The following CNTNAP2 variants were observed in gnomAD, a reference collection of about 807,000 sequenced individuals.
CNTNAP2 encodes contactin associated protein 2.
Under a neutral mutation model 155.2 loss-of-function variants are expected in CNTNAP2, and 98 were observed. The ratio of observed to expected loss-of-function variants is 0.63; its 90% CI spans 0.54 to 0.75. CNTNAP2 has a LOEUF of 0.75. Among genes scored for constraint, CNTNAP2 ranks in the 30% least tolerant of loss-of-function variants. The pLI is 0.00. For missense variants in CNTNAP2, 1,727 were observed against 1,688.1 expected (o/e 1.02, Z -0.40); for synonymous variants, 651 against 631.2 (o/e 1.03, Z -0.47).
chr7:146,230,997 A>T (rs2116913012), intron 1 of CNTNAP2, among the ~76,000 whole-genome samples: 1 of 141,866 alleles, frequency 7.0e-6, no homozygotes, highest in East Asian at 2.1e-4. Context: ...CCTGGGCAAC[A>T]GAGCGAGACT....
At chr7:146,337,142 T>C (rs1435978686) in intron 1 of CNTNAP2, among the ~76,000 whole-genome samples, 2 of 152,176 alleles carry the variant, frequency 1.3e-5, no homozygotes, top group African/African-American at 2.4e-5. Context: ...GACCCCCCTG[T>C]CTTTGCACCT....
Position 147,867,810 on chromosome 7 carries a change from A to C in CNTNAP2, c.2099-35755A>C, listed in dbSNP as rs574582541. ...GTTTTCAGCTCCATCAGGTCATTCA[A>C]GGTTTTCTCCACACTGTTTATTATA... On this transcript the variant is annotated intron_variant, in intron 13 of 23. Coordinates refer to ENST00000361727, the MANE Select transcript of CNTNAP2 (RefSeq NM_014141.6). Among the ~76,000 whole-genome samples, 5 of 152,268 alleles carry C rather than the reference A, an allele frequency of 3.3e-5. No individual in the cohort carries two copies. In the South Asian group the frequency reaches 1.0e-3, roughly 32 times the overall value.
chr7:147,502,008 C>T (rs1234590071), intron 11 of CNTNAP2, among the ~76,000 whole-genome samples: 1 of 151,990 alleles, frequency 6.6e-6, no homozygotes, highest in African/African-American at 2.4e-5. Context: ...ATATATTTAA[C>T]CAAAGAGGTG....
chr7:148,291,871 GAT>G (rs1797196965), intron 21 of CNTNAP2, among the ~76,000 whole-genome samples: 1 of 151,994 alleles, frequency 6.6e-6, no homozygotes, highest in African/African-American at 2.4e-5. Context: ...TCTTACTTTA[GAT>G]ATAAAATCTT....
intron 3 of CNTNAP2, among the ~76,000 whole-genome samples, chr7:146,854,279 G>T (rs779943366): frequency 1.3e-5 from 2 of 152,182 alleles, no homozygotes; most frequent in Admixed American, 1.3e-4. Context: ...AGGATACAAA[G>T]AAATTTTAGA....
intron 3 of CNTNAP2, among the ~76,000 whole-genome samples, chr7:147,012,044 C>A (rs1397009977): frequency 6.6e-6 from 1 of 152,176 alleles, no homozygotes; most frequent in East Asian, 1.9e-4. Flanking sequence ...ATTCTTCATC[C>A]TGAGGGCTCC....
intron 15 of CNTNAP2, among the ~76,000 whole-genome samples, chr7:148,103,687 C>T (rs914567215): frequency 1.3e-5 from 2 of 152,194 alleles, no homozygotes; most frequent in African/African-American, 4.8e-5. Flanking sequence ...GAATCGTTCT[C>T]GCTCTCAGAT....
At chr7:146,127,030 G>A (rs894440718) in intron 1 of CNTNAP2, among the ~76,000 whole-genome samples, 6 of 152,046 alleles carry the variant, frequency 3.9e-5, no homozygotes, top group Admixed American at 2.0e-4. Flanking sequence ...TCTTGTTATA[G>A]TACTGCATTT....
rs193088569 is a variant in CNTNAP2 at position 146,660,142 on chromosome 7, A to G, written c.98-114129A>G. The stretch of plus-strand genomic sequence containing the variant: ...ATAAAGACTTGAATGGTAATAAGGG[A>G]GGGCAATACATATTCATTTATTATG... On this transcript the variant is annotated intron_variant, in intron 1 of 23. Coordinates refer to ENST00000361727, the MANE Select transcript of CNTNAP2 (RefSeq NM_014141.6). Among the ~76,000 whole-genome samples the G allele has an allele frequency of 3.0e-4, 45 of 152,336 alleles. No individual in the cohort carries two copies. The East Asian group carries it at 8.3e-3, about 28-fold the overall frequency.
At chr7:147,534,477 G>A (rs1056783758) in intron 11 of CNTNAP2, among the ~76,000 whole-genome samples, 6 of 152,068 alleles carry the variant, frequency 3.9e-5, no homozygotes, top group South Asian at 2.1e-4. Context: ...ACCCTTACAC[G>A]GAACAGGATA....
intron 15 of CNTNAP2, among the ~76,000 whole-genome samples, chr7:148,096,603 A>G (rs1174845293): frequency 6.6e-6 from 1 of 152,096 alleles, no homozygotes; most frequent in East Asian, 1.9e-4. Flanking sequence ...GTAGGGGTGA[A>G]TAGAGGTAAA....
intron 8 of CNTNAP2, among the ~76,000 whole-genome samples, chr7:147,202,042 A>G (rs768464938): frequency 4.6e-5 from 7 of 152,190 alleles, no homozygotes; most frequent in Non-Finnish European, 7.4e-5. Flanking sequence ...AACCATAAAT[A>G]TTTGCATTAC....
intron 11 of CNTNAP2, among the ~76,000 whole-genome samples, chr7:147,493,052 A>G (rs565352098): frequency 6.6e-6 from 1 of 152,340 alleles, no homozygotes; most frequent in East Asian, 1.9e-4. Flanking sequence ...TAAAGAACTT[A>G]TGCCACTAAG....
intron 8 of CNTNAP2, among the ~76,000 whole-genome samples, chr7:147,176,901 A>C (rs1378510364): frequency 7.8e-6 from 1 of 128,830 alleles, no homozygotes; most frequent in Non-Finnish European, 1.6e-5. Flanking sequence ...TATTATAATA[A>C]TTATAATATA....
chr7:147,767,241 T>G (rs1797396352), intron 13 of CNTNAP2, among the ~76,000 whole-genome samples: 2 of 152,016 alleles, frequency 1.3e-5, no homozygotes, highest in Admixed American at 6.6e-5. Flanking sequence ...CTGTACTACC[T>G]AAAAGCAAAC....
intron 1 of CNTNAP2, among the ~76,000 whole-genome samples, chr7:146,151,214 G>A (rs989998197): frequency 3.9e-5 from 6 of 151,986 alleles, no homozygotes; most frequent in African/African-American, 1.4e-4. Context: ...TGAGATTTGG[G>A]TGGGGACACT....
At chr7:146,457,704 C>T (rs1796578032) in intron 1 of CNTNAP2, among the ~76,000 whole-genome samples, 2 of 150,860 alleles carry the variant, frequency 1.3e-5, no homozygotes, top group African/African-American at 2.4e-5. Flanking sequence ...TGGGTTTCAC[C>T]GTGTTAGCAA....
At chr7:146,638,732 G>A (rs939965487) in intron 1 of CNTNAP2, among the ~76,000 whole-genome samples, 3 of 151,452 alleles carry the variant, frequency 2.0e-5, no homozygotes, top group Admixed American at 6.6e-5. Context: ...TGATCCACCC[G>A]CCTCGGCCTC....
chr7:148,303,978 ATCTGTT>A (rs1797441892), intron 21 of CNTNAP2, among the ~76,000 whole-genome samples: 1 of 152,232 alleles, frequency 6.6e-6, no homozygotes, highest in African/African-American at 2.4e-5. Context: ...AGTGAATAAA[ATCTGTT>A]TAGCGAACTC....
Sources: allele counts gnomAD v4.1 joint callset (sites outside exome capture counted in the v4.1 genomes callset), GRCh38; gene constraint gnomAD v4.1.1; transcripts MANE v1.5; gene names NCBI Gene and HGNC (gene_info 2026-07-23, HGNC 2026-07-21).